Variants in SS18L1 observed in about 807,000 individuals in gnomAD.
SS18L1 encodes the protein calcium-responsive transactivator.
Under a neutral mutation model 70.3 loss-of-function variants are expected in SS18L1, and 32 were observed. The ratio of observed to expected loss-of-function variants is 0.46; its 90% CI spans 0.34 to 0.61. The LOEUF (loss-of-function observed/expected upper bound fraction) is 0.61. SS18L1 is among the 20% of genes least tolerant of loss of function. The pLI is 0.01. For synonymous variants in SS18L1, 237 were observed against 229.7 expected, an observed-to-expected ratio of 1.03 and a Z score of -0.29; for missense variants, 430 against 542.1, an observed-to-expected ratio of 0.79 and a Z score of 2.05.
At position 62,161,360 on chromosome 20, in the gene SS18L1, C is replaced by T; in HGVS notation, c.232-76C>T. 1 of 1,608,426 alleles carries T rather than the reference C, an allele frequency of 6.2e-7. No homozygotes were observed. The highest frequency in any genetic ancestry group is 8.5e-7 in the Non-Finnish European group (1 of 1,176,826). On this transcript the variant is annotated intron_variant, in intron 3 of 10. Transcript: ENST00000331758. The surrounding 1 kb of genome is among the most constrained non-coding windows in gnomAD (Gnocchi z 4.4). ...TGGCGGCAAATCTCGGGTGCCCTCT[C>T]ATCCCTGGCCTGGCTTGTGGAGGTC...
chr20:62,154,989 C>T (rs6142717), intron 1 of SS18L1, among the ~76,000 whole-genome samples: 100,070 of 152,156 alleles, frequency 0.66, 36,533 homozygotes, highest in East Asian at 0.83. Flanking sequence ...CTCCAGAGCT[C>T]TTCTGCCCCC....
chr20:62,163,544 G>A lies in SS18L1; in HGVS notation c.643G>A (p.Ala215Thr), dbSNP rs553178579. ...GCACTACCAGGGCCAGTCGTCCATC[G>A]CCATGATGGGGCAGGGCAGCCAGGG... ...SQHYQGQSSI[A>T]MMGQGSQGSS... is the part of the protein sequence containing the mutation. Residue 215 changes from alanine (A) to threonine (T), a missense_variant, in exon 6 of 11, where the codon GCC becomes ACC. Transcript: ENST00000331758. 2.4e-5 allele frequency: 39 copies of A among 1,611,244 alleles called. No individual in the cohort carries two copies. Among genetic ancestry groups the A allele is most frequent in the South Asian group, 3.3e-5 (3 of 91,030 alleles).
intron 1 of SS18L1, 46 bp downstream of exon 1, chr20:62,143,935 G>C: frequency 1.0e-6 from 1 of 988,878 alleles, no homozygotes; most frequent in Non-Finnish European, 1.2e-6. Context: ...GTCTGCGGGC[G>C]GGCGCGCGCG....
chr20:62,174,101 C>T lies in SS18L1; in HGVS notation c.1037-416C>T, dbSNP rs144523483. ...TCCTAGAGACGATGTCTCTGTCTCA[C>T]CTGCCTGCAGGTTTTCAGCAGCTCC... On this transcript the variant is annotated intron_variant, in intron 9 of 10. Transcript: ENST00000331758. This position sits in a 1 kb window ranked among gnomAD's most constrained non-coding sequence, Gnocchi z 4.1. Among the ~76,000 whole-genome samples, 2 of 152,210 alleles carry T rather than the reference C, an allele frequency of 1.3e-5. No individual in the cohort carries two copies. Among genetic ancestry groups the T allele is most frequent in the Non-Finnish European group, 2.9e-5 (2 of 68,032 alleles).
chr20:62,143,777 A>T lies in SS18L1; in HGVS notation c.-44A>T. On this transcript the variant is annotated 5_prime_UTR_variant, in exon 1 of 11. Coordinates refer to ENST00000331758, the MANE Select transcript of SS18L1 (RefSeq NM_198935.3). ...GCCTCGGGCCGCCCAGCGCAGCCGG[A>T]GTATCCACCTCGATGACCACGGGCT... 3 of 1,288,188 alleles carry T rather than the reference A, an allele frequency of 2.3e-6. No homozygotes were observed. Among genetic ancestry groups the T allele is most frequent in the Non-Finnish European group, 3.1e-6 (3 of 983,472 alleles). 79.8% of individuals were successfully genotyped at this position (1,288,188 alleles called of 1,614,324 possible).
At chr20:62,165,049 T>C (rs2057402231) in intron 7 of SS18L1, among the ~76,000 whole-genome samples, 1 of 152,186 alleles carries the variant, frequency 6.6e-6, no homozygotes, top group Non-Finnish European at 1.5e-5. Flanking sequence ...GGCCACGTGA[T>C]GGTCACATGC....
intron 1 of SS18L1, among the ~76,000 whole-genome samples, chr20:62,150,555 ATGTC>A (rs1396351050): frequency 6.7e-6 from 1 of 148,754 alleles, no homozygotes; most frequent in Non-Finnish European, 1.5e-5. Context: ...AACAATTTCA[ATGTC>A]TGTCCAAGCA....
intron 8 of SS18L1, among the ~76,000 whole-genome samples, chr20:62,171,507 TAGG>T (rs1236082837): frequency 6.6e-6 from 1 of 152,208 alleles, no homozygotes; most frequent in Non-Finnish European, 1.5e-5. Flanking sequence ...GCTCTCGCCT[TAGG>T]AGGAGTTCAG....
At chr20:62,162,479 T>G in intron 4 of SS18L1, 1 of 339,438 alleles carries the variant, frequency 2.9e-6, no homozygotes, top group Non-Finnish European at 5.4e-6. Flanking sequence ...TTTTTTTGTA[T>G]TTTTAGTAGA....
At chr20:62,176,798 A>AAAAAG (rs11473110) in intron 10 of SS18L1, among the ~76,000 whole-genome samples, 40,975 of 151,820 alleles carry the variant, frequency 0.27, 10,540 homozygotes, top group African/African-American at 0.68. Context: ...CCATCTCAAA[A>AAAAAG]AAAAGAAAAA....
intron 1 of SS18L1, among the ~76,000 whole-genome samples, chr20:62,153,821 G>C (rs1301648386): frequency 6.6e-6 from 1 of 152,168 alleles, no homozygotes; most frequent in Non-Finnish European, 1.5e-5. Flanking sequence ...CTTCTCCTGG[G>C]ATTTGCTCCC....
rs779281788 is a variant in SS18L1, at chr20:62,163,545, C to T, written c.644C>T (p.Ala215Val). 1.9e-6 allele frequency: 3 copies of T among 1,611,388 alleles called. No individual in the cohort carries two copies. The highest frequency in any genetic ancestry group is 2.2e-5 in the East Asian group (1 of 44,864). ...SQHYQGQSSI[A>V]MMGQGSQGSS... is the part of the protein sequence containing the mutation. ...CACTACCAGGGCCAGTCGTCCATCG[C>T]CATGATGGGGCAGGGCAGCCAGGGG... The change falls in exon 6 of 11, where the codon GCC (alanine) becomes GTC (valine). Residue 215 changes from alanine to valine, a missense_variant. Coordinates refer to ENST00000331758, the MANE Select transcript of SS18L1 (RefSeq NM_198935.3).
Position 62,158,243 on chromosome 20 carries a change from T to C in SS18L1, c.70-429T>C, listed in dbSNP as rs543809156. Among the ~76,000 whole-genome samples the C allele has an allele frequency of 1.1e-4, 17 of 152,180 alleles. No individual in the cohort carries two copies. Among genetic ancestry groups the C allele is most frequent in the Non-Finnish European group, 2.2e-4 (15 of 68,018 alleles). On this transcript the variant is annotated intron_variant, in intron 1 of 10. Coordinates refer to ENST00000331758, the MANE Select transcript of SS18L1 (RefSeq NM_198935.3). The surrounding 1 kb of genome is among the most constrained non-coding windows in gnomAD (Gnocchi z 4.5). ...GGGGCTGCTGGGGGCACGGGGCCTC[T>C]GTGTTTTCATTTGTGGGCTTAGATG...
At chr20:62,166,469 C>T (rs1318675803) in intron 8 of SS18L1, among the ~76,000 whole-genome samples, 3 of 152,206 alleles carry the variant, frequency 2.0e-5, no homozygotes, top group African/African-American at 7.2e-5. Flanking sequence ...TGCTTCTGAG[C>T]TTACACATCT....
chr20:62,148,141 C>T (rs763800725), intron 1 of SS18L1, among the ~76,000 whole-genome samples: 9 of 152,220 alleles, frequency 5.9e-5, no homozygotes, highest in Non-Finnish European at 1.0e-4. Context: ...TCTTTACATC[C>T]GCAGGGATAG....
At chr20:62,166,358 G>C (rs2057431594) in intron 8 of SS18L1, among the ~76,000 whole-genome samples, 1 of 152,252 alleles carries the variant, frequency 6.6e-6, no homozygotes, top group Non-Finnish European at 1.5e-5. Context: ...AGGTAACAGT[G>C]TTGGTGAGGC....
At chr20:62,152,290 C>G (rs1490199499) in intron 1 of SS18L1, among the ~76,000 whole-genome samples, 4 of 152,246 alleles carry the variant, frequency 2.6e-5, no homozygotes, top group Non-Finnish European at 5.9e-5. Flanking sequence ...TCCACTCACC[C>G]AGGCCTAGGA....
chr20:62,154,997 C>T (rs1156314882), intron 1 of SS18L1, among the ~76,000 whole-genome samples: 5 of 152,184 alleles, frequency 3.3e-5, no homozygotes, highest in East Asian at 3.8e-4. Context: ...CTCTTCTGCC[C>T]CCTCTGTTGT....
chr20:62,173,182 A>G (rs540577959), intron 9 of SS18L1, among the ~76,000 whole-genome samples: 7 of 152,360 alleles, frequency 4.6e-5, no homozygotes, highest in Admixed American at 6.5e-5. Context: ...CCTCAGGCCC[A>G]GCTTCAACCT....
Sources: allele counts gnomAD v4.1 joint callset (sites outside exome capture counted in the v4.1 genomes callset), GRCh38; gene constraint gnomAD v4.1.1; non-coding constraint Gnocchi (gnomAD v3.1); transcripts MANE v1.5; gene names NCBI Gene and HGNC (gene_info 2026-07-23, HGNC 2026-07-21).